Variants in DGKB observed in about 807,000 individuals in gnomAD.
The protein encoded by DGKB is 90 kDa diacylglycerol kinase.
Under a neutral mutation model 114.3 loss-of-function variants are expected in DGKB, and 67 were observed. The ratio of observed to expected loss-of-function variants is 0.59; its 90% CI spans 0.48 to 0.72. The LOEUF (loss-of-function observed/expected upper bound fraction) is 0.72, where lower values mean the gene tolerates loss of function less well. Ranked by LOEUF, DGKB falls within the 30% of genes least tolerant of loss-of-function variation. DGKB has a pLI of 0.00. For missense variants in DGKB, 907 were observed against 975.2 expected (o/e 0.93, Z 0.93); for synonymous variants, 398 against 323.1 (o/e 1.23, Z -2.49).
intron 1 of DGKB, among the ~76,000 whole-genome samples, chr7:14,941,557 T>C (rs1170330023): frequency 6.6e-6 from 1 of 152,104 alleles, no homozygotes; most frequent in Non-Finnish European, 1.5e-5. Context: ...ACATATATAG[T>C]TACTTGTGAA....
At chr7:14,580,528 ATGAAAAGTATAAAAATTACCTTGAAG>A (rs1799771300) in intron 19 of DGKB, among the ~76,000 whole-genome samples, 1 of 152,168 alleles carries the variant, frequency 6.6e-6, no homozygotes, top group African/African-American at 2.4e-5. Flanking sequence ...CAACTTATAA[ATGAAAAGTATAAAAATTACCTTGAAG>A]TGCATCCATG....
intron 13 of DGKB, among the ~76,000 whole-genome samples, chr7:14,650,827 C>T (rs1267942206): frequency 3.3e-4 from 49 of 149,898 alleles, no homozygotes; most frequent in African/African-American, 1.2e-3. Flanking sequence ...CACCACAGAT[C>T]CCACAGAAAT....
intron 23 of DGKB, among the ~76,000 whole-genome samples, chr7:14,283,623 G>T (rs576529795): frequency 6.7e-6 from 1 of 150,142 alleles, no homozygotes; most frequent in East Asian, 1.9e-4. Context: ...ATACTACAAG[G>T]CTACAGTAAC....
At chr7:14,774,709 A>AGATGG (rs1398090756) in intron 2 of DGKB, among the ~76,000 whole-genome samples, 1 of 152,222 alleles carries the variant, frequency 6.6e-6, no homozygotes, top group East Asian at 1.9e-4. Flanking sequence ...TAATAAAGAC[A>AGATGG]GATGGTGAAT....
intron 1 of DGKB, among the ~76,000 whole-genome samples, chr7:14,926,651 T>C (rs1784769677): frequency 6.6e-6 from 1 of 151,744 alleles, no homozygotes; most frequent in East Asian, 1.9e-4. Flanking sequence ...TGTGCTGCTG[T>C]CTCATATTCT....
chr7:14,168,244 G>A (rs1784890208), intron 25 of DGKB, among the ~76,000 whole-genome samples: 1 of 152,104 alleles, frequency 6.6e-6, no homozygotes, highest in Non-Finnish European at 1.5e-5. Flanking sequence ...AAACACAGGT[G>A]AATAGATATC....
chr7:14,837,113 T>C (rs1847269948), intron 2 of DGKB, among the ~76,000 whole-genome samples: 1 of 151,942 alleles, frequency 6.6e-6, no homozygotes. Context: ...CTGGACATAT[T>C]TTTTTCCATA....
intron 23 of DGKB, among the ~76,000 whole-genome samples, chr7:14,311,309 T>C (rs1403697716): frequency 6.6e-6 from 1 of 152,168 alleles, no homozygotes; most frequent in Non-Finnish European, 1.5e-5. Flanking sequence ...TCCAAGATCT[T>C]CCAAGGTATT....
Position 14,753,943 on chromosome 7 carries a change from T to G in DGKB, c.153A>C (p.Gln51His), listed in dbSNP as rs1325343027. 9 of 1,519,104 alleles carry G rather than the reference T, an allele frequency of 5.9e-6. No homozygotes were observed. The highest frequency in any genetic ancestry group is 8.1e-6 in the Non-Finnish European group (9 of 1,110,552). The allele number at this position is 1,519,104 out of a possible 1,614,324, so 94.1% of individuals were successfully genotyped here. The change falls in exon 4 of 26, where the codon CAA becomes CAC. Residue 51 changes from glutamine to histidine, a missense_variant. This residue lies in a region of DGKB where 814 missense variants were observed against 856.6 expected (regional missense o/e 0.95). Transcript: ENST00000402815. ...AATGTCTTACTTGGTTAAGAATGTC[T>G]TGTTTCTGTGCATGCAAGGAAAGAA... ...VLAKYNPEGK[Q>H]DILNQTIDFE... is the part of the protein sequence containing the mutation.
chr7:14,479,548 C>T lies in DGKB; in HGVS notation c.1771-1323G>A, dbSNP rs192763793. Among the ~76,000 whole-genome samples, 344 of 152,084 alleles carry T rather than the reference C, an allele frequency of 2.3e-3. 1 individual carries two copies. The highest frequency in any genetic ancestry group is 3.7e-3 in the Non-Finnish European group (250 of 67,944). ...CCCCTCTACGGTTTAATATTTAAGA[C>T]GTTATTTTGTTATATATACATGGCC... On this transcript the variant is annotated intron_variant, in intron 20 of 25. Transcript: ENST00000402815.
chr7:14,685,404 A>T, intron 9 of DGKB, 42 bp from the exon 10 acceptor site: 1 of 1,415,646 alleles, frequency 7.1e-7, no homozygotes, highest in Non-Finnish European at 1.0e-6. Context: ...TTAATGAAAT[A>T]AACAGTGAAA....
intron 22 of DGKB, among the ~76,000 whole-genome samples, chr7:14,341,332 G>GAA (rs1480770043): frequency 6.6e-6 from 1 of 151,838 alleles, no homozygotes; most frequent in African/African-American, 2.4e-5. Flanking sequence ...TGCTGGTTCT[G>GAA]ATGGAGACCA....
At chr7:14,324,446 C>CAAA (rs5882440) in intron 23 of DGKB, among the ~76,000 whole-genome samples, 5 of 118,636 alleles carry the variant, frequency 4.2e-5, no homozygotes, top group South Asian at 2.9e-4. Flanking sequence ...GACTCTGTCT[C>CAAA]AAAAAAAAAA....
chr7:14,699,101 C>G (rs1251746555), intron 7 of DGKB, among the ~76,000 whole-genome samples: 2 of 148,576 alleles, frequency 1.3e-5, no homozygotes, highest in Admixed American at 1.4e-4. Context: ...CTCCGAGGAA[C>G]TAATGAAAGC....
intron 23 of DGKB, among the ~76,000 whole-genome samples, chr7:14,271,752 C>T (rs200999453): frequency 1.3e-4 from 20 of 152,130 alleles, no homozygotes; most frequent in African/African-American, 4.6e-4. Context: ...GGGACTTAGA[C>T]GGGAAAAAGA....
At chr7:14,455,267 T>C (rs1309566906) in intron 21 of DGKB, among the ~76,000 whole-genome samples, 1 of 152,006 alleles carries the variant, frequency 6.6e-6, no homozygotes, top group Non-Finnish European at 1.5e-5. Context: ...TGAATGGAAT[T>C]AAAATGCATT....
intron 20 of DGKB, among the ~76,000 whole-genome samples, chr7:14,489,122 A>G (rs1784256520): frequency 6.6e-6 from 1 of 152,196 alleles, no homozygotes; most frequent in Non-Finnish European, 1.5e-5. Flanking sequence ...AATATTTCAC[A>G]AACTCTGCCT....
At position 14,524,017 on chromosome 7, in the gene DGKB, C is replaced by T. The variant is rs371398089; in HGVS notation, c.1771-45792G>A. ...TGCTGTGCATTTCCCAGCTCTGGAT[C>T]GAGACACACGGGCATATCAAATCAG... is the stretch of plus-strand genomic sequence containing the variant. On this transcript the variant is annotated intron_variant, in intron 20 of 25. Transcript: ENST00000402815. Among the ~76,000 whole-genome samples, 83 of 152,160 alleles carry T rather than the reference C, an allele frequency of 5.5e-4. No homozygotes were observed. The South Asian group carries it at 0.015, about 27-fold the overall frequency.
rs530880692 is a variant in DGKB at position 14,910,832 on chromosome 7, T to C, written c.-188+63864A>G. On this transcript the variant is annotated intron_variant, in intron 1 of 4. Coordinates refer to the DGKB transcript ENST00000437998. Reference sequence around the variant, plus strand: ...TGAGGGCAATACAACAGTTAGTTGATTAATCTATGTTTAATCAGTATAGAA... The same window carrying C: ...TGAGGGCAATACAACAGTTAGTTGACTAATCTATGTTTAATCAGTATAGAA... Among the ~76,000 whole-genome samples, 70 of 152,314 alleles carry C rather than the reference T, an allele frequency of 4.6e-4. No homozygotes were observed. The South Asian group carries it at 8.9e-3, about 19-fold the overall frequency.
Sources: gnomAD v4.1 joint callset for allele counts (sites outside exome capture counted in the v4.1 genomes callset) on GRCh38, gnomAD v4.1.1 for gene constraint, gnomAD v4.1.1 regional missense constraint, MANE v1.5 for transcripts, NCBI Gene and HGNC (gene_info 2026-07-23, HGNC 2026-07-21) for gene names.